The following FBXO41 variants were observed in gnomAD, a reference collection of about 807,000 sequenced individuals.
FBXO41 encodes F-box protein 41.
In FBXO41, 33 loss-of-function variants were observed where a neutral mutation model predicts 81.6. The ratio of observed to expected loss-of-function variants is 0.40; its 90% CI spans 0.31 to 0.54. FBXO41 has a LOEUF of 0.54. Among genes scored for constraint, FBXO41 ranks in the 20% least tolerant of loss-of-function variants. The probability of loss-of-function intolerance (pLI) is 0.39; values close to 1 mark genes in which losing one functional copy is unlikely to be tolerated. For synonymous variants in FBXO41, 576 were observed against 552.7 expected, an observed-to-expected ratio of 1.04 and a Z score of -0.59; for missense variants, 1,107 against 1,236.0, an observed-to-expected ratio of 0.90 and a Z score of 1.56.
At chr2:73,279,416 G>A (rs1412041816) in intron 1 of FBXO41, among the ~76,000 whole-genome samples, 1 of 152,168 alleles carries the variant, frequency 6.6e-6, no homozygotes, top group African/African-American at 2.4e-5. Context: ...TTTAATCAAT[G>A]AGCAAGTCCA....
At chr2:73,278,361 C>T (rs1474586355) in intron 1 of FBXO41, among the ~76,000 whole-genome samples, 1 of 152,158 alleles carries the variant, frequency 6.6e-6, no homozygotes, top group Non-Finnish European at 1.5e-5. Context: ...AATTTCTGTC[C>T]CTTGCAATCA....
Position 73,265,465 on chromosome 2 carries a change from C to G in FBXO41, c.1381G>C (p.Gly461Arg), listed in dbSNP as rs1434270492. 6.2e-7 allele frequency: 1 copy of G among 1,604,816 alleles called. No homozygotes were observed. The highest frequency in any genetic ancestry group is 1.1e-5 in the South Asian group (1 of 90,732). Residue 461 changes from glycine (G) to arginine (R), a missense_variant, in exon 5 of 13, where the codon GGC becomes CGC. Physicochemically the swap from Gly to Arg is moderately radical, Grantham distance 125. Transcript: ENST00000520530. ...TTCTGGATGGCCTGGCGCCGCAGGC[C>G]TGAGCTGCGAGGGGGCTGGGACCGC... ...SERSQPPRSS[G>R]LRRQAIQNWQ...
chr2:73,280,441 C>T (rs1688814110), intron 1 of FBXO41, among the ~76,000 whole-genome samples: 1 of 152,236 alleles, frequency 6.6e-6, no homozygotes, highest in Admixed American at 6.5e-5. Context: ...GTGACATCCA[C>T]CCAGGCTTGC....
intron 1 of FBXO41, among the ~76,000 whole-genome samples, chr2:73,281,512 G>T (rs529866183): frequency 5.1e-4 from 78 of 152,334 alleles, no homozygotes; most frequent in African/African-American, 1.9e-3. Flanking sequence ...TTGCAAGCCT[G>T]ATGCAGGCAG....
rs773896714 is a variant in FBXO41 at position 73,263,789 on chromosome 2, G to A, written c.1964C>T (p.Ala655Val). The change falls in exon 8 of 13, where the codon GCT (alanine) becomes GTT (valine). Residue 655 changes from alanine to valine, a missense_variant. Ala to Val is a moderately conservative substitution (Grantham distance 64). This residue lies in a region of FBXO41 where 336 missense variants were observed against 446.7 expected (regional missense o/e 0.75). Transcript: ENST00000520530. ...EAGLESLLKA[A>V]GGNLLILRIS... ...GCGCAGGATCAGCAGGTTCCCCCCA[G>A]CTGCCTTCAGCAGGGACTCCAGCCC... 6.2e-7 allele frequency: 1 copy of A among 1,614,048 alleles called. No homozygotes were observed.
intron 1 of FBXO41, among the ~76,000 whole-genome samples, chr2:73,283,726 C>A (rs1688913367): frequency 6.6e-6 from 1 of 152,222 alleles, no homozygotes; most frequent in Non-Finnish European, 1.5e-5. Context: ...TGCACACCGG[C>A]ACGCACAGAC....
In FBXO41 at chr2:73,272,713, T is replaced by C. The variant is rs552543324; in HGVS notation, c.-138-2945A>G. ...GGATGGGCAGAACACTGAGGCCTGTTGCTAAGAGATAACCCCTCCCTCCTT... is the reference window on the plus strand; with the variant it reads ...GGATGGGCAGAACACTGAGGCCTGTCGCTAAGAGATAACCCCTCCCTCCTT... On this transcript the variant is annotated intron_variant, in intron 1 of 12. Transcript: ENST00000520530. Among the ~76,000 whole-genome samples the C allele has an allele frequency of 3.3e-5, 5 of 152,326 alleles. No individual in the cohort carries two copies. In the South Asian group the frequency reaches 1.0e-3, roughly 32 times the overall value.
At chr2:73,268,574 C>G (rs1574385259) in intron 2 of FBXO41, among the ~76,000 whole-genome samples, 152 bp downstream of exon 2, 1 of 152,314 alleles carries the variant, frequency 6.6e-6, no homozygotes, top group East Asian at 1.9e-4. Context: ...CATCATGACA[C>G]TCTTGGCCCC....
At position 73,283,798 on chromosome 2, in the gene FBXO41, G is replaced by T. The variant is rs1688915160; in HGVS notation, c.-139+362C>A. 2.0e-5 allele frequency among the ~76,000 whole-genome samples: 3 copies of T among 152,150 alleles called. No homozygotes were observed. The South Asian group carries it at 6.2e-4, about 32-fold the overall frequency. On this transcript the variant is annotated intron_variant, in intron 1 of 12. Coordinates refer to ENST00000520530, the MANE Select transcript of FBXO41 (RefSeq NM_001371389.2). ...CCCCTCCCCCAGCCCCTCAGAAACC[G>T]GTAGGGAGGGTTGGGGTTTCAGGGC...
chr2:73,266,406 T>A lies in FBXO41; in HGVS notation c.1131+51A>T. 1 of 1,440,336 alleles carries A rather than the reference T, an allele frequency of 6.9e-7. No individual in the cohort carries two copies. The highest frequency in any genetic ancestry group is 9.2e-7 in the Non-Finnish European group (1 of 1,089,524). The allele number at this position is 1,440,336 out of a possible 1,614,324, so 89.2% of individuals were successfully genotyped here. On this transcript the variant is annotated intron_variant, in intron 3 of 12. Coordinates refer to ENST00000520530, the MANE Select transcript of FBXO41 (RefSeq NM_001371389.2). This position sits in a 1 kb window ranked among gnomAD's most constrained non-coding sequence, Gnocchi z 5.3. ...TGTCCAGCCATGTGAAAGGTGAGGTTGTGGGGGGCCAGGTGTGCAGGTAGA... is the reference window on the plus strand; with the variant it reads ...TGTCCAGCCATGTGAAAGGTGAGGTAGTGGGGGGCCAGGTGTGCAGGTAGA...
At position 73,269,632 on chromosome 2, in the gene FBXO41, GC is replaced by G; in HGVS notation, c.-3del. ...GTACGGCAGGTCCAGCGAGGCCATG[GC>G]CCCGCCGCCCCCGCGGCACGCGGGC... is the stretch of plus-strand genomic sequence containing the variant. On this transcript the variant is annotated 5_prime_UTR_variant, in exon 2 of 13. Coordinates refer to ENST00000520530, the MANE Select transcript of FBXO41 (RefSeq NM_001371389.2). This position sits in a 1 kb window ranked among gnomAD's most constrained non-coding sequence, Gnocchi z 7.0. 8.3e-7 allele frequency: 1 copy of G among 1,201,062 alleles called. No individual in the cohort carries two copies. Among genetic ancestry groups the G allele is most frequent in the South Asian group, 2.8e-5 (1 of 35,528 alleles). 74.4% of individuals were successfully genotyped at this position (1,201,062 alleles called of 1,614,324 possible).
intron 1 of FBXO41, chr2:73,271,631 C>CCA (rs1553384775): frequency 6.8e-6 from 1 of 147,498 alleles, no homozygotes. Flanking sequence ...ACTCCCCCCC[C>CCA]CCCAACTTCT....
chr2:73,268,504 A>G (rs951554208), intron 2 of FBXO41, among the ~76,000 whole-genome samples: 2 of 152,208 alleles, frequency 1.3e-5, no homozygotes, highest in Non-Finnish European at 2.9e-5. Flanking sequence ...GAGAACGAGA[A>G]AGGCAGACTT....
intron 5 of FBXO41, among the ~76,000 whole-genome samples, chr2:73,264,941 A>G (rs1688179314): frequency 6.6e-6 from 1 of 151,886 alleles, no homozygotes; most frequent in South Asian, 2.1e-4. Context: ...CCACCCACAT[A>G]TGTGTGGTGC....
Position 73,257,467 on chromosome 2 carries a change from AAG to A in FBXO41, c.*1513_*1514del, listed in dbSNP as rs1687857133. Reference sequence around the variant, plus strand: ...CATGTCCAAGCCAGGTTGTGTTAGGAAGTTGGGTCCCTGGGAAGGACTGGGTA... The same window carrying A: ...CATGTCCAAGCCAGGTTGTGTTAGGATTGGGTCCCTGGGAAGGACTGGGTA... On this transcript the variant is annotated 3_prime_UTR_variant, in exon 13 of 13. Coordinates refer to ENST00000520530, the MANE Select transcript of FBXO41 (RefSeq NM_001371389.2). This position sits in a 1 kb window ranked among gnomAD's most constrained non-coding sequence, Gnocchi z 4.6. The A allele has an allele frequency of 6.6e-6, 1 of 152,122 alleles. No homozygotes were observed. The highest frequency in any genetic ancestry group is 6.5e-5 in the Admixed American group (1 of 15,282). 9.4% of individuals were successfully genotyped at this position (152,122 alleles called of 1,614,324 possible).
rs370347198 is a variant in FBXO41 at position 73,265,902 on chromosome 2, G to A, written c.1196C>T (p.Pro399Leu). 390 of 1,585,930 alleles carry A rather than the reference G, an allele frequency of 2.5e-4. 3 individuals are homozygous for A. In the Admixed American group the frequency reaches 3.9e-3, roughly 16 times the overall value. The change falls in exon 4 of 13, where the codon CCG (proline) becomes CTG (leucine). Residue 399 changes from proline to leucine, a missense_variant. Pro to Leu is a moderately conservative substitution (Grantham distance 98). Around this residue, in one of 2 missense-constraint regions of FBXO41, gnomAD observed 771 missense variants for 789.2 expected, o/e 0.98. Coordinates refer to ENST00000520530, the MANE Select transcript of FBXO41 (RefSeq NM_001371389.2). ...TGGGCCCAAGGCTTACCCTGTGCTC[G>A]GAGAGGAGCCATGCCGTGACACTGC... Reference protein sequence around the residue: ...TYAVSRHGSSPSTGASSRVPA... With the variant: ...TYAVSRHGSSLSTGASSRVPA...
At chr2:73,278,873 CA>C (rs1237103917) in intron 1 of FBXO41, among the ~76,000 whole-genome samples, 1 of 152,194 alleles carries the variant, frequency 6.6e-6, no homozygotes, top group Non-Finnish European at 1.5e-5. Context: ...AGGATAGAGA[CA>C]TTGTATATCT....
rs758075033 is a variant in FBXO41 at position 73,263,978 on chromosome 2, C to T, written c.1882G>A (p.Gly628Arg). 1.4e-5 allele frequency: 23 copies of T among 1,606,804 alleles called. 1 individual carries two copies. In the South Asian group the frequency reaches 2.0e-4, roughly 14 times the overall value. ...TACTCCTCCTTGCTCTCCTTCTTTC[C>T]CCGCTGCCGGGGCTTCAAGTTCTGC... ...TLQNLKPRQRGKKESKEEYAR... is the reference protein window; with the variant it reads ...TLQNLKPRQRRKKESKEEYAR... Residue 628 changes from glycine (G) to arginine (R), a missense_variant, in exon 7 of 13, where the codon GGA (glycine) becomes AGA (arginine). Physicochemically the swap from Gly to Arg is moderately radical, Grantham distance 125. Around this residue, in one of 2 missense-constraint regions of FBXO41, gnomAD observed 336 missense variants for 446.7 expected, o/e 0.75. Transcript: ENST00000520530.
At position 73,259,324 on chromosome 2, in the gene FBXO41, G is replaced by A. The variant is rs780508991; in HGVS notation, c.2450-28C>T. ...GAGAAAAGGTGAGCAAAGTAGGGGC[G>A]TGTTTGGCCTGGGCTGTGGAGCTGC... On this transcript the variant is annotated intron_variant, in intron 11 of 12. Transcript: ENST00000520530. This position sits in a 1 kb window ranked among gnomAD's most constrained non-coding sequence, Gnocchi z 4.2. 316 of 1,592,616 alleles carry A rather than the reference G, an allele frequency of 2.0e-4. No individual in the cohort carries two copies. Among genetic ancestry groups the A allele is most frequent in the Non-Finnish European group, 2.6e-4 (299 of 1,160,718 alleles).
Sources: allele counts gnomAD v4.1 joint callset (sites outside exome capture counted in the v4.1 genomes callset), GRCh38; gene constraint gnomAD v4.1.1; regional missense constraint gnomAD v4.1.1; non-coding constraint Gnocchi (gnomAD v3.1); transcripts MANE v1.5; gene names NCBI Gene and HGNC (gene_info 2026-07-23, HGNC 2026-07-21).